AK7: variants seen among roughly 807,000 people sequenced by gnomAD.
The protein encoded by AK7 is adenylate kinase 7, also known as ATP-AMP transphosphorylase 7.
AK7 carries 78 observed loss-of-function variants against 96.6 expected under a neutral mutation model. The ratio of observed to expected loss-of-function variants is 0.81; its 90% CI spans 0.67 to 0.97. The LOEUF is 0.97. AK7 is among the 50% of genes least tolerant of loss of function. The pLI is 0.00. For missense variants in AK7, 855 were observed against 887.9 expected (o/e 0.96, Z 0.47); for synonymous variants, 302 against 317.2 (o/e 0.95, Z 0.51).
chr14:96,468,208 C>T, intron 12 of AK7, among the ~76,000 whole-genome samples: 1 of 131,774 alleles, frequency 7.6e-6, no homozygotes, highest in Admixed American at 7.8e-5. Context: ...ACAGGAGACC[C>T]TGTCTCAAAA....
intron 6 of AK7, among the ~76,000 whole-genome samples, 187 bp from the exon 7 acceptor site, chr14:96,442,543 C>T (rs1893014630): frequency 6.6e-6 from 1 of 152,172 alleles, no homozygotes; most frequent in Non-Finnish European, 1.5e-5. Flanking sequence ...CAGGGCTACA[C>T]ACTATTTCTC....
At chr14:96,458,997 T>C (rs1011835012) in intron 12 of AK7, among the ~76,000 whole-genome samples, 1 of 151,424 alleles carries the variant, frequency 6.6e-6, no homozygotes, top group Non-Finnish European at 1.5e-5. Flanking sequence ...TGTTAACATT[T>C]TGGTGATGAT....
At chr14:96,410,161 A>T (rs1159092022) in intron 4 of AK7, among the ~76,000 whole-genome samples, 3 of 152,208 alleles carry the variant, frequency 2.0e-5, no homozygotes, top group Non-Finnish European at 2.9e-5. Context: ...CCCCTGGTGG[A>T]CTGAGAACCC....
intron 14 of AK7, among the ~76,000 whole-genome samples, chr14:96,474,926 C>T (rs1299234668): frequency 6.6e-6 from 1 of 152,182 alleles, no homozygotes; most frequent in African/African-American, 2.4e-5. Context: ...AAGCTAAAGC[C>T]TAGAGATTTA....
chr14:96,471,585 C>T lies in AK7; in HGVS notation c.1465C>T (p.Gln489Ter). Reference protein sequence around the residue: ...ILDGFPKTYDQAKDLFNQEDE... With the variant: ...ILDGFPKTYD ...GGATGGATTCCCAAAGACCTATGAT[C>T]AAGCAAAAGACCTGTTCAATCGTAA... The change falls in exon 13 of 18, where the codon CAA (glutamine) becomes TAA (stop). Residue 489 changes from glutamine to a stop codon, truncating the protein, a stop_gained. Coordinates refer to ENST00000267584, the MANE Select transcript of AK7 (RefSeq NM_152327.5). LOFTEE classifies it high-confidence loss of function. 1 of 1,591,084 alleles carries T rather than the reference C, an allele frequency of 6.3e-7. No individual in the cohort carries two copies. Among genetic ancestry groups the T allele is most frequent in the South Asian group, 1.2e-5 (1 of 85,622 alleles).
intron 16 of AK7, 114 bp from the exon 17 acceptor site, chr14:96,486,784 A>T: frequency 1.1e-6 from 1 of 882,578 alleles, no homozygotes; most frequent in Middle Eastern, 2.8e-4. Context: ...TGCCATCTGT[A>T]TCATAGATGG....
intron 15 of AK7, among the ~76,000 whole-genome samples, chr14:96,481,656 T>C (rs2140176175): frequency 6.6e-6 from 1 of 151,800 alleles, no homozygotes; most frequent in South Asian, 2.1e-4. Flanking sequence ...AGAAATGCAT[T>C]TAAATGTCAC....
intron 3 of AK7, among the ~76,000 whole-genome samples, chr14:96,407,655 C>T (rs1199097480): frequency 6.8e-6 from 1 of 147,968 alleles, no homozygotes; most frequent in African/African-American, 2.5e-5. Flanking sequence ...AATCTCGGCT[C>T]ACTGCAAGCT....
chr14:96,452,615 C>T (rs921706085), intron 10 of AK7, among the ~76,000 whole-genome samples: 1 of 152,150 alleles, frequency 6.6e-6, no homozygotes, highest in African/African-American at 2.4e-5. Context: ...CTTGAGCCAC[C>T]GTGCCTGGCT....
At chr14:96,436,633 A>G (rs960134144) in intron 5 of AK7, among the ~76,000 whole-genome samples, 4 of 152,126 alleles carry the variant, frequency 2.6e-5, no homozygotes, top group African/African-American at 4.8e-5. Flanking sequence ...CAACAAGTGA[A>G]ACTCTGTCTC....
intron 15 of AK7, among the ~76,000 whole-genome samples, chr14:96,480,697 G>T (rs764585156): frequency 6.6e-6 from 1 of 152,134 alleles, no homozygotes; most frequent in African/African-American, 2.4e-5. Context: ...TTTATAGGAA[G>T]ATCAGGAGAG....
At chr14:96,450,798 G>A (rs1290152716) in intron 9 of AK7, among the ~76,000 whole-genome samples, 26 of 134,482 alleles carry the variant, frequency 1.9e-4, no homozygotes, top group African/African-American at 6.2e-4. Flanking sequence ...TTTTTGAGAC[G>A]GAGTCTCACT....
chr14:96,430,324 T>C (rs1279765389), intron 5 of AK7, among the ~76,000 whole-genome samples: 1 of 151,664 alleles, frequency 6.6e-6, no homozygotes, highest in Non-Finnish European at 1.5e-5. Flanking sequence ...TAGCTGGGAC[T>C]ACAGGCGCCC....
chr14:96,459,358 C>G (rs1894130073), intron 12 of AK7, among the ~76,000 whole-genome samples: 1 of 151,584 alleles, frequency 6.6e-6, no homozygotes, highest in Non-Finnish European at 1.5e-5. Flanking sequence ...AAAAAAAAAT[C>G]ACACATATGT....
Position 96,465,093 on chromosome 14 carries a change from C to T in AK7, c.1358-6385C>T, listed in dbSNP as rs1894483101. Among the ~76,000 whole-genome samples, 3 of 152,168 alleles carry T rather than the reference C, an allele frequency of 2.0e-5. 1 individual carries two copies. The South Asian group carries it at 6.2e-4, about 32-fold the overall frequency. The stretch of plus-strand genomic sequence containing the variant: ...CAATAATTAAACGACTATTACACAA[C>T]AATTCAGTGAGTTTACTTGCTTTCA... On this transcript the variant is annotated intron_variant, in intron 12 of 17. Transcript: ENST00000267584.
At chr14:96,436,277 C>T (rs1022398049) in intron 5 of AK7, among the ~76,000 whole-genome samples, 2 of 152,110 alleles carry the variant, frequency 1.3e-5, no homozygotes, top group Non-Finnish European at 2.9e-5. Context: ...GTGGTTAAGT[C>T]CTCCTTTTCA....
At chr14:96,392,362 C>A in intron 1 of AK7, 103 bp downstream of exon 1, 1 of 1,033,070 alleles carries the variant, frequency 9.7e-7, no homozygotes. Flanking sequence ...AGGGCGCTGT[C>A]GGGGCCTTTC....
In AK7 at chr14:96,478,510, G is replaced by A. The variant is rs373004821; in HGVS notation, c.1601G>A (p.Arg534His). 58 of 1,614,062 alleles carry A rather than the reference G, an allele frequency of 3.6e-5. No individual in the cohort carries two copies. Among genetic ancestry groups the A allele is most frequent in the Admixed American group, 1.3e-4 (8 of 59,994 alleles). The change falls in exon 15 of 18, where the codon CGT (arginine) becomes CAT (histidine). Residue 534 changes from arginine (R) to histidine (H), a missense_variant. Coordinates refer to ENST00000267584, the MANE Select transcript of AK7 (RefSeq NM_152327.5). ...LDASDEFLKE[R>H]VINLPESIVA... is the part of the protein sequence containing the mutation. Reference sequence around the variant, plus strand: ...GCTTCGGATGAGTTTCTGAAGGAGCGTGTGATAAACCTTCCTGAGAGCATC... The same window carrying A: ...GCTTCGGATGAGTTTCTGAAGGAGCATGTGATAAACCTTCCTGAGAGCATC...
chr14:96,431,015 T>G (rs758050308), intron 5 of AK7, among the ~76,000 whole-genome samples: 1 of 152,212 alleles, frequency 6.6e-6, no homozygotes, highest in Non-Finnish European at 1.5e-5. Flanking sequence ...GGTGTATGTG[T>G]CCAGGAATTT....
Sources: allele counts gnomAD v4.1 joint callset (sites outside exome capture counted in the v4.1 genomes callset), GRCh38; gene constraint gnomAD v4.1.1; transcripts MANE v1.5; gene names NCBI Gene and HGNC (gene_info 2026-07-23, HGNC 2026-07-21).